NCAM1: variants seen among roughly 807,000 people sequenced by gnomAD.
NCAM1 encodes the protein neural cell adhesion molecule 1, also known as antigen recognized by monoclonal antibody 5.1H11.
In NCAM1, 14 loss-of-function variants were observed where a neutral mutation model predicts 109.8. That is an observed-to-expected ratio of 0.13 (90% CI 0.08 to 0.20). The LOEUF (loss-of-function observed/expected upper bound fraction) is 0.20. Among genes scored for constraint, NCAM1 ranks in the 10% least tolerant of loss-of-function variants. The pLI, the probability that NCAM1 is intolerant of heterozygous loss-of-function variation, is 1.00. For synonymous variants in NCAM1, 418 were observed against 442.9 expected, an observed-to-expected ratio of 0.94 and a Z score of 0.70; for missense variants, 774 against 1,109.9, an observed-to-expected ratio of 0.70 and a Z score of 4.30.
At chr11:113,117,419 A>T (rs1049212632) in intron 1 of NCAM1, among the ~76,000 whole-genome samples, 2 of 151,978 alleles carry the variant, frequency 1.3e-5, no homozygotes, top group Admixed American at 1.3e-4. Flanking sequence ...AGCCTGGGGT[A>T]CACAGAACCT....
chr11:113,232,976 A>G (rs1945054659), intron 12 of NCAM1, among the ~76,000 whole-genome samples, 162 bp downstream of exon 12: 1 of 152,170 alleles, frequency 6.6e-6, no homozygotes, highest in Admixed American at 6.5e-5. Context: ...GGATCAGCGC[A>G]TGGGGCATGT....
chr11:113,128,664 T>TCTCTGTGC (rs1179993987), intron 1 of NCAM1, among the ~76,000 whole-genome samples: 1 of 152,168 alleles, frequency 6.6e-6, no homozygotes, highest in Non-Finnish European at 1.5e-5. Context: ...CTTACTCACA[T>TCTCTGTGC]CTCTGTGCTT....
chr11:113,038,349 C>T (rs561044905), intron 1 of NCAM1, among the ~76,000 whole-genome samples: 1 of 152,316 alleles, frequency 6.6e-6, no homozygotes, highest in Admixed American at 6.5e-5. Context: ...TCATGCCATC[C>T]TTTCCAAGGA....
At chr11:112,973,680 C>A (rs1184324088) in intron 1 of NCAM1, among the ~76,000 whole-genome samples, 2 of 152,110 alleles carry the variant, frequency 1.3e-5, no homozygotes, top group Admixed American at 6.6e-5. Flanking sequence ...GTAGTTTATA[C>A]AACTGTCTGG....
At chr11:113,228,323 C>A (rs1944907614) in intron 9 of NCAM1, among the ~76,000 whole-genome samples, 1 of 152,268 alleles carries the variant, frequency 6.6e-6, no homozygotes, top group South Asian at 2.1e-4. Flanking sequence ...TGAGTGAACT[C>A]CCATTCACAA....
Position 113,275,346 on chromosome 11 carries a change from A to G in NCAM1, c.2536A>G (p.Asn846Asp), listed in dbSNP as rs1555126358. 6.2e-7 allele frequency: 1 copy of G among 1,613,554 alleles called. No individual in the cohort carries two copies. The highest frequency in any genetic ancestry group is 8.5e-7 in the Non-Finnish European group (1 of 1,179,706). ...GCCAGCCGAAGTCAAGACGGTCCCC[A>G]ATGACGCCACACAGACAAAGGAGAA... The part of the protein sequence containing the change: ...PAPAEVKTVP[N>D]DATQTKENES... The change falls in exon 20 of 20, where the codon AAT becomes GAT. Residue 846 changes from asparagine (N) to aspartate (D), a missense_variant. Physicochemically the swap from Asn to Asp is conservative, Grantham distance 23. Transcript: ENST00000316851.
intron 1 of NCAM1, among the ~76,000 whole-genome samples, chr11:112,964,117 T>C (rs1277210765): frequency 6.7e-6 from 1 of 150,060 alleles, no homozygotes; most frequent in Non-Finnish European, 1.5e-5. Flanking sequence ...TACATATGTA[T>C]ATATATCTGA....
intron 1 of NCAM1, among the ~76,000 whole-genome samples, chr11:113,136,640 C>T (rs1555099515): frequency 6.6e-6 from 1 of 152,148 alleles, no homozygotes; most frequent in Admixed American, 6.5e-5. Flanking sequence ...TTTGTCTTCT[C>T]TCCGTCTCAG....
chr11:112,997,111 A>G (rs572082196), intron 1 of NCAM1, among the ~76,000 whole-genome samples: 1 of 152,098 alleles, frequency 6.6e-6, no homozygotes, highest in South Asian at 2.1e-4. Flanking sequence ...TGCACTAGGC[A>G]GGGTTCACTC....
intron 1 of NCAM1, among the ~76,000 whole-genome samples, chr11:113,105,666 A>T (rs2135908349): frequency 6.6e-6 from 1 of 152,370 alleles, no homozygotes; most frequent in Admixed American, 6.5e-5. Context: ...CCAGATAAAA[A>T]TGACCACATA....
intron 14 of NCAM1, among the ~76,000 whole-genome samples, chr11:113,237,837 T>C (rs1555118524): frequency 6.6e-6 from 1 of 150,808 alleles, no homozygotes; most frequent in Non-Finnish European, 1.5e-5. Flanking sequence ...GCCAGCTCAG[T>C]TCTTGCAAAG....
At chr11:113,057,446 G>A (rs567125962) in intron 1 of NCAM1, among the ~76,000 whole-genome samples, 59 of 152,148 alleles carry the variant, frequency 3.9e-4, no homozygotes, top group African/African-American at 1.3e-3. Flanking sequence ...GACCATGGAA[G>A]AATTTAAAGA....
chr11:113,203,224 G>A (rs568079353), intron 2 of NCAM1, among the ~76,000 whole-genome samples: 17 of 152,208 alleles, frequency 1.1e-4, no homozygotes, highest in African/African-American at 2.9e-4. Context: ...GGCAGGGAGG[G>A]GCCTTTAAAT....
At chr11:112,972,779 A>C (rs1322516792) in intron 1 of NCAM1, among the ~76,000 whole-genome samples, 2 of 152,082 alleles carry the variant, frequency 1.3e-5, no homozygotes, top group Non-Finnish European at 2.9e-5. Context: ...TTTCAGTTGA[A>C]TGGTGAAATT....
intron 1 of NCAM1, among the ~76,000 whole-genome samples, chr11:113,199,829 T>TGGAAAAAAAAAAAAAAAAAAAAA (rs60389510): frequency 1.3e-4 from 15 of 115,762 alleles, no homozygotes; most frequent in African/African-American, 4.4e-4. Flanking sequence ...GAAACACCCT[T>TGGAAAAAAAAAAAAAAAAAAAAA]AAAAAAAAAA....
chr11:113,005,646 A>C (rs535595683), intron 1 of NCAM1, among the ~76,000 whole-genome samples: 7 of 152,082 alleles, frequency 4.6e-5, no homozygotes, highest in South Asian at 2.1e-4. Context: ...TCTTCTGTTC[A>C]GGAGGAGTAG....
intron 17 of NCAM1, chr11:113,263,765 C>T (rs1555123842): frequency 1.0e-6 from 1 of 985,418 alleles, no homozygotes; most frequent in African/African-American, 1.7e-5. Context: ...CTTTGAGCAT[C>T]AGTCTACAGG....
rs546069767 is a variant in NCAM1, at chr11:113,267,593, C to T, written c.2132-2595C>T. ...GTTCAGCAGGCAGAAGGGAGGCTGC[C>T]GGTTCACGCCATGAGGCCCAACAGA... On this transcript the variant is annotated intron_variant, in intron 17 of 19. Transcript: ENST00000316851. Among the ~76,000 whole-genome samples the T allele has an allele frequency of 1.3e-3, 197 of 152,262 alleles. 1 individual carries two copies. Among genetic ancestry groups the T allele is most frequent in the Non-Finnish European group, 2.4e-3 (164 of 68,030 alleles).
chr11:112,991,576 T>G (rs1347352425), intron 1 of NCAM1, among the ~76,000 whole-genome samples: 2 of 152,062 alleles, frequency 1.3e-5, no homozygotes, highest in Non-Finnish European at 2.9e-5. Context: ...TCACTTTACA[T>G]GAAGAAGTGA....
Sources: allele counts gnomAD v4.1 joint callset (sites outside exome capture counted in the v4.1 genomes callset), GRCh38; gene constraint gnomAD v4.1.1; transcripts MANE v1.5; gene names NCBI Gene and HGNC (gene_info 2026-07-23, HGNC 2026-07-21).